ASIC2: variants seen among roughly 807,000 people sequenced by gnomAD.
The protein encoded by ASIC2 is acid sensing ion channel subunit 2, also known as acid-sensing ion channel 2.
In ASIC2, 25 loss-of-function variants were observed where a neutral mutation model predicts 57.3. The ratio of observed to expected loss-of-function variants is 0.44; its 90% CI spans 0.32 to 0.61. The LOEUF is 0.61. ASIC2 is among the 20% of genes least tolerant of loss of function. ASIC2 has a pLI of 0.06. For synonymous variants in ASIC2, 319 were observed against 307.5 expected (o/e 1.04, Z -0.39); for missense variants, 641 against 738.1 (o/e 0.87, Z 1.52).
At chr17:33,914,293 G>A (rs1426161446) in intron 1 of ASIC2, among the ~76,000 whole-genome samples, 1 of 152,188 alleles carries the variant, frequency 6.6e-6, no homozygotes, top group Admixed American at 6.5e-5. Flanking sequence ...GGCCCTGTAG[G>A]GTGGTGACTC....
chr17:33,112,224 G>T, intron 1 of ASIC2, 157 bp from the exon 2 acceptor site: 2 of 1,010,830 alleles, frequency 2.0e-6, no homozygotes, highest in Non-Finnish European at 1.4e-6. Context: ...CATCCTGGCT[G>T]TGGGCCTGAC....
At chr17:33,505,534 A>C (rs1012581944) in intron 1 of ASIC2, among the ~76,000 whole-genome samples, 2 of 152,224 alleles carry the variant, frequency 1.3e-5, no homozygotes, top group Non-Finnish European at 2.9e-5. Flanking sequence ...AGGATCTTTC[A>C]AATTTGTGTC....
At chr17:33,796,374 G>C (rs1037247044) in intron 1 of ASIC2, among the ~76,000 whole-genome samples, 5 of 152,076 alleles carry the variant, frequency 3.3e-5, no homozygotes, top group African/African-American at 1.2e-4. Flanking sequence ...ATTCTTGTTT[G>C]CTTATTGATA....
chr17:33,192,339 T>C (rs897403785), intron 1 of ASIC2, among the ~76,000 whole-genome samples: 1 of 151,822 alleles, frequency 6.6e-6, no homozygotes, highest in African/African-American at 2.4e-5. Context: ...GCCAAGACCA[T>C]GCCATTGCAC....
chr17:33,830,997 C>G (rs1198971416), intron 1 of ASIC2, among the ~76,000 whole-genome samples: 1 of 150,762 alleles, frequency 6.6e-6, no homozygotes, highest in Non-Finnish European at 1.5e-5. Context: ...GTAATCCCAG[C>G]TACTCGGGAG....
chr17:33,188,680 C>T (rs1188755471), intron 1 of ASIC2, among the ~76,000 whole-genome samples: 1 of 152,058 alleles, frequency 6.6e-6, no homozygotes, highest in Non-Finnish European at 1.5e-5. Flanking sequence ...GAGAAAGTAA[C>T]TGTTAACCTA....
At chr17:33,037,389 CTTTTTTTTTTT>C (rs35286664) in intron 3 of ASIC2, among the ~76,000 whole-genome samples, 3 of 123,832 alleles carry the variant, frequency 2.4e-5, no homozygotes, top group African/African-American at 9.7e-5. Flanking sequence ...ACTTCCCCCT[CTTTTTTTTTTT>C]TTTTTTTTTT....
At chr17:33,545,474 G>A (rs1158584952) in intron 1 of ASIC2, among the ~76,000 whole-genome samples, 1 of 152,076 alleles carries the variant, frequency 6.6e-6, no homozygotes, top group Non-Finnish European at 1.5e-5. Flanking sequence ...CCGAGACGCG[G>A]ATTTCTACTG....
chr17:33,436,209 C>T (rs923037683), intron 1 of ASIC2, among the ~76,000 whole-genome samples: 2 of 152,192 alleles, frequency 1.3e-5, no homozygotes, highest in Non-Finnish European at 2.9e-5. Flanking sequence ...AAACTGATCC[C>T]TTCCCTGTTT....
At chr17:33,670,699 C>T (rs1452694351) in intron 1 of ASIC2, among the ~76,000 whole-genome samples, 1 of 152,208 alleles carries the variant, frequency 6.6e-6, no homozygotes, top group Non-Finnish European at 1.5e-5. Flanking sequence ...CACTTCTCTG[C>T]TTTTCAAAAT....
intron 1 of ASIC2, among the ~76,000 whole-genome samples, chr17:33,588,332 T>G (rs1904707710): frequency 6.6e-6 from 1 of 152,184 alleles, no homozygotes; most frequent in South Asian, 2.1e-4. Flanking sequence ...GTTATCCACC[T>G]TAGGTAAATT....
chr17:33,284,603 T>C (rs1050448729), intron 1 of ASIC2, among the ~76,000 whole-genome samples: 2 of 152,184 alleles, frequency 1.3e-5, no homozygotes, highest in Non-Finnish European at 2.9e-5. Flanking sequence ...GTACCCTCTA[T>C]GAAAGGATTT....
chr17:34,021,086 G>A (rs1481917996), intron 1 of ASIC2, among the ~76,000 whole-genome samples: 4 of 151,952 alleles, frequency 2.6e-5, no homozygotes, highest in Non-Finnish European at 5.9e-5. Context: ...CTGGGGACTC[G>A]GGGAAAAGGC....
In ASIC2 at chr17:33,148,678, G is replaced by C. The variant is rs188843028; in HGVS notation, c.709-36611C>G. ...GAAAATTAAAAGATGATGTGAGAAA[G>C]CATTTAGATGGATGTCCTGCTCAGA... On this transcript the variant is annotated intron_variant, in intron 1 of 9. Transcript: ENST00000225823. 2.0e-5 allele frequency among the ~76,000 whole-genome samples: 3 copies of C among 152,334 alleles called. No homozygotes were observed. The East Asian group carries it at 5.8e-4, about 29-fold the overall frequency.
chr17:33,325,022 G>A (rs974742394), intron 1 of ASIC2, among the ~76,000 whole-genome samples: 5 of 152,256 alleles, frequency 3.3e-5, no homozygotes, highest in African/African-American at 9.6e-5. Context: ...ACTTCTTTCC[G>A]GGCTCTGTGC....
chr17:33,710,904 A>G (rs926842897), intron 1 of ASIC2, among the ~76,000 whole-genome samples: 4 of 152,172 alleles, frequency 2.6e-5, no homozygotes, highest in Admixed American at 2.6e-4. Context: ...TATTTTGTTA[A>G]AAAGCAGTAG....
intron 1 of ASIC2, among the ~76,000 whole-genome samples, chr17:34,136,900 A>T (rs1912141185): frequency 6.6e-6 from 1 of 152,186 alleles, no homozygotes; most frequent in African/African-American, 2.4e-5. Flanking sequence ...TCCCAAGCCC[A>T]CATTTTGCAT....
chr17:33,181,317 CT>C (rs1468601987), intron 1 of ASIC2, among the ~76,000 whole-genome samples: 2 of 152,104 alleles, frequency 1.3e-5, no homozygotes, highest in Non-Finnish European at 2.9e-5. Context: ...ATAATAAACA[CT>C]TTTAATAACA....
intron 1 of ASIC2, among the ~76,000 whole-genome samples, chr17:33,218,415 G>T (rs530638163): frequency 6.6e-6 from 1 of 152,312 alleles, no homozygotes; most frequent in South Asian, 2.1e-4. Context: ...CTCACATCGA[G>T]CCCAGTGCCC....
Sources: allele counts gnomAD v4.1 joint callset (sites outside exome capture counted in the v4.1 genomes callset), GRCh38; gene constraint gnomAD v4.1.1; transcripts MANE v1.5; gene names NCBI Gene and HGNC (gene_info 2026-07-23, HGNC 2026-07-21).